Variants in CDH20 observed in about 807,000 individuals in gnomAD.
CDH20 encodes the protein cadherin-20.
CDH20 carries 29 observed loss-of-function variants against 74.2 expected under a neutral mutation model. The observed-to-expected ratio is 0.39, with a 90% CI of 0.29 to 0.53. The LOEUF (loss-of-function observed/expected upper bound fraction) is 0.53, where lower values mean the gene tolerates loss of function less well. Ranked by LOEUF, CDH20 falls within the 20% of genes least tolerant of loss-of-function variation. CDH20 has a pLI of 0.69. For missense variants in CDH20, 988 were observed against 1,048.3 expected (o/e 0.94, Z 0.79); for synonymous variants, 469 against 405.4 (o/e 1.16, Z -1.88).
intron 1 of CDH20, among the ~76,000 whole-genome samples, chr18:61,393,894 C>T (rs2144209682): frequency 6.6e-6 from 1 of 152,204 alleles, no homozygotes; most frequent in South Asian, 2.1e-4. Context: ...TGCAGCAGGC[C>T]ACTTAACATT....
At chr18:61,493,573 C>T (rs564083889) in intron 2 of CDH20, among the ~76,000 whole-genome samples, 164 of 152,312 alleles carry the variant, frequency 1.1e-3, no homozygotes, top group Non-Finnish European at 1.8e-3. Flanking sequence ...GCCACACATA[C>T]CACGTTTGTC....
chr18:61,527,581 A>G (rs1912472589), intron 6 of CDH20, among the ~76,000 whole-genome samples: 1 of 152,182 alleles, frequency 6.6e-6, no homozygotes, highest in African/African-American at 2.4e-5. Context: ...TTTTGATTTT[A>G]GAACTGAGAC....
At chr18:61,364,525 T>G (rs1404123102) in intron 1 of CDH20, among the ~76,000 whole-genome samples, 1 of 152,206 alleles carries the variant, frequency 6.6e-6, no homozygotes, top group East Asian at 1.9e-4. Context: ...TTGGTCAGGC[T>G]GGTCTCGAAC....
At chr18:61,410,398 T>G (rs1167024257) in intron 1 of CDH20, among the ~76,000 whole-genome samples, 1 of 152,224 alleles carries the variant, frequency 6.6e-6, no homozygotes, top group South Asian at 2.1e-4. Flanking sequence ...TAAATACATA[T>G]GTACAAGTAT....
chr18:61,533,039 G>A (rs1055613700), intron 7 of CDH20, among the ~76,000 whole-genome samples: 4 of 152,160 alleles, frequency 2.6e-5, no homozygotes, highest in Non-Finnish European at 1.5e-5. Flanking sequence ...CCCACTACTT[G>A]GGAGATTGAG....
At chr18:61,551,565 G>C (rs1377197425) in intron 11 of CDH20, among the ~76,000 whole-genome samples, 2 of 152,164 alleles carry the variant, frequency 1.3e-5, no homozygotes, top group Non-Finnish European at 2.9e-5. Flanking sequence ...TCAGTCCTAC[G>C]TAAAGAGAGG....
intron 9 of CDH20, among the ~76,000 whole-genome samples, chr18:61,542,044 C>A (rs1400766377): frequency 6.6e-6 from 1 of 152,186 alleles, no homozygotes; most frequent in African/African-American, 2.4e-5. Context: ...CCCAGTCTCA[C>A]CAATATATAC....
At chr18:61,497,386 G>C (rs907573124) in intron 2 of CDH20, among the ~76,000 whole-genome samples, 1 of 152,140 alleles carries the variant, frequency 6.6e-6, no homozygotes, top group African/African-American at 2.4e-5. Context: ...GCATTTGCAG[G>C]TGTTTTATTG....
chr18:61,421,716 T>C (rs1201250996), intron 1 of CDH20, among the ~76,000 whole-genome samples: 1 of 152,190 alleles, frequency 6.6e-6, no homozygotes, highest in African/African-American at 2.4e-5. Flanking sequence ...CCTGATTATA[T>C]GAATGTATCA....
chr18:61,353,561 G>A lies in CDH20; in HGVS notation c.-153+19734G>A, dbSNP rs938416965. On this transcript the variant is annotated intron_variant, in intron 1 of 11. Transcript: ENST00000262717. This position sits in a 1 kb window ranked among gnomAD's most constrained non-coding sequence, Gnocchi z 4.6. ...TTTACTTGCTTTTGAATATCCGACA[G>A]TGTGTATCACAGTGCTTTGCACATA... Among the ~76,000 whole-genome samples the A allele has an allele frequency of 6.6e-6, 1 of 152,180 alleles. No homozygotes were observed. Among genetic ancestry groups the A allele is most frequent in the African/African-American group, 2.4e-5 (1 of 41,448 alleles).
chr18:61,509,198 C>T (rs1182266212), intron 6 of CDH20, among the ~76,000 whole-genome samples: 3 of 152,162 alleles, frequency 2.0e-5, no homozygotes, highest in Admixed American at 6.5e-5. Flanking sequence ...TAACCAAATA[C>T]TCCCTGTACC....
chr18:61,499,430 A>G lies in CDH20; in HGVS notation c.491A>G (p.Lys164Arg). 2 of 1,613,936 alleles carry G rather than the reference A, an allele frequency of 1.2e-6. No individual in the cohort carries two copies. Among genetic ancestry groups the G allele is most frequent in the Non-Finnish European group, 1.7e-6 (2 of 1,179,970 alleles). Residue 164 changes from lysine to arginine, a missense_variant, in exon 3 of 12, where the codon AAG becomes AGG. Around this residue, in one of 2 missense-constraint regions of CDH20, gnomAD observed 613 missense variants for 755.2 expected, o/e 0.81. Coordinates refer to ENST00000262717, the MANE Select transcript of CDH20 (RefSeq NM_031891.4). ...CAAGACATCAATGACAATGAGCCCA[A>G]GTTCCTGGACGGACCTTATGTGGCC... ...KIQDINDNEP[K>R]FLDGPYVATV...
intron 1 of CDH20, among the ~76,000 whole-genome samples, chr18:61,406,076 C>T (rs1044166462): frequency 6.6e-6 from 1 of 151,960 alleles, no homozygotes; most frequent in African/African-American, 2.4e-5. Context: ...TCAAATGGCC[C>T]CAGCTGTATC....
In CDH20 at chr18:61,551,333, G is replaced by A. The variant is rs548083463; in HGVS notation, c.1900+1104G>A. On this transcript the variant is annotated intron_variant, in intron 11 of 11. Coordinates refer to ENST00000262717, the MANE Select transcript of CDH20 (RefSeq NM_031891.4). ...GTATTATTCAATACAAAAGAAGTCC[G>A]AGTTTTCTGAGGGAAAAAGCCCTGA... Among the ~76,000 whole-genome samples the A allele has an allele frequency of 1.2e-3, 189 of 152,254 alleles. 3 individuals are homozygous for A. The highest frequency in any genetic ancestry group is 1.5e-3 in the Admixed American group (23 of 15,302).
At chr18:61,530,163 A>T (rs562021472) in intron 7 of CDH20, among the ~76,000 whole-genome samples, 4 of 152,344 alleles carry the variant, frequency 2.6e-5, no homozygotes, top group African/African-American at 9.6e-5. Context: ...AAAGAGAGGA[A>T]TTCTTATTGC....
intron 11 of CDH20, among the ~76,000 whole-genome samples, chr18:61,552,611 T>TG (rs1913475908): frequency 6.6e-6 from 1 of 152,152 alleles, no homozygotes; most frequent in Admixed American, 6.5e-5. Context: ...TAAAATTCAC[T>TG]GGCCCTGCCT....
At chr18:61,354,061 GAAA>G (rs1195858512) in intron 1 of CDH20, among the ~76,000 whole-genome samples, 3 of 150,602 alleles carry the variant, frequency 2.0e-5, no homozygotes, top group Non-Finnish European at 4.4e-5. Flanking sequence ...AAAAGAAAAA[GAAA>G]AAGAAAAGAA....
intron 1 of CDH20, among the ~76,000 whole-genome samples, chr18:61,440,305 G>C (rs1908985834): frequency 6.6e-6 from 1 of 152,122 alleles, no homozygotes; most frequent in Non-Finnish European, 1.5e-5. Flanking sequence ...GCTATCATGA[G>C]AGACATGGGC....
At chr18:61,402,559 A>G (rs1029234684) in intron 1 of CDH20, among the ~76,000 whole-genome samples, 1 of 152,232 alleles carries the variant, frequency 6.6e-6, no homozygotes, top group African/African-American at 2.4e-5. Flanking sequence ...TTGTAAATTA[A>G]GCACCATATG....
Sources: gnomAD v4.1 joint callset for allele counts (sites outside exome capture counted in the v4.1 genomes callset) on GRCh38, gnomAD v4.1.1 for gene constraint, gnomAD v4.1.1 regional missense constraint, Gnocchi (gnomAD v3.1) non-coding constraint, MANE v1.5 for transcripts, NCBI Gene and HGNC (gene_info 2026-07-23, HGNC 2026-07-21) for gene names.